ADCYAP1: variants seen among roughly 807,000 people sequenced by gnomAD.
The protein encoded by ADCYAP1 is pituitary adenylate cyclase-activating polypeptide.
In ADCYAP1, 6 loss-of-function variants were observed where a neutral mutation model predicts 18.5. That is an observed-to-expected ratio of 0.32 (90% confidence interval 0.18 to 0.64). The LOEUF (loss-of-function observed/expected upper bound fraction) is 0.64. ADCYAP1 is among the 30% of genes least tolerant of loss of function. The pLI is 0.77. For synonymous variants in ADCYAP1, 136 were observed against 113.9 expected (o/e 1.19, Z -1.24); for missense variants, 314 against 253.6 (o/e 1.24, Z -1.62).
In ADCYAP1 at chr18:908,315, A is replaced by G; in HGVS notation, c.293A>G (p.Gln98Arg). 1 of 1,613,336 alleles carries G rather than the reference A, an allele frequency of 6.2e-7. No homozygotes were observed. The highest frequency in any genetic ancestry group is 8.5e-7 in the Non-Finnish European group (1 of 1,179,760). ...LNEAYRKVLD[Q>R]LSAGKHLQSL... ...GAGGCCTACCGCAAAGTGCTGGACC[A>G]GCTGTCCGCCGGGAAGCACCTGCAG... Residue 98 changes from glutamine to arginine, a missense_variant, in exon 4 of 5, where the codon CAG becomes CGG. Coordinates refer to ENST00000450565, the MANE Select transcript of ADCYAP1 (RefSeq NM_001099733.2).
intron 4 of ADCYAP1, among the ~76,000 whole-genome samples, chr18:908,922 T>C (rs1909279858): frequency 1.3e-5 from 2 of 152,122 alleles, no homozygotes; most frequent in Admixed American, 1.3e-4. Flanking sequence ...GTGAAAAATA[T>C]TGCCTACAGC....
upstream of ADCYAP1, chr18:904,579 GGA>G (rs1909084618): frequency 7.8e-7 from 1 of 1,287,286 alleles, no homozygotes; most frequent in Non-Finnish European, 1.0e-6. Context: ...AGAGGCAGCC[GGA>G]GAGACCTCGG....
intron 4 of ADCYAP1, among the ~76,000 whole-genome samples, chr18:909,233 A>T (rs1909291351): frequency 3.9e-5 from 6 of 152,178 alleles, no homozygotes; most frequent in Admixed American, 2.0e-4. Flanking sequence ...GTTTGGTGCC[A>T]GGAGATCCTG....
At position 907,915 on chromosome 18, in the gene ADCYAP1, C is replaced by A. The variant is rs1478408962; in HGVS notation, c.242+125C>A. The stretch of plus-strand genomic sequence containing the variant: ...TCCCGTGAAAGTCCTCAAGCCTGTC[C>A]TCTCCCTGGCCCGATCCTATTGCAG... On this transcript the variant is annotated intron_variant, in intron 3 of 4. Coordinates refer to ENST00000450565, the MANE Select transcript of ADCYAP1 (RefSeq NM_001099733.2). The A allele has an allele frequency of 9.5e-6, 13 of 1,363,464 alleles. No individual in the cohort carries two copies. In the African/African-American group the frequency reaches 1.4e-4, roughly 15 times the overall value. 84.5% of individuals were successfully genotyped at this position (1,363,464 alleles called of 1,614,324 possible).
At chr18:908,466 C>A in intron 4 of ADCYAP1, 103 bp downstream of exon 4, 1 of 924,694 alleles carries the variant, frequency 1.1e-6, no homozygotes, top group Non-Finnish European at 1.6e-6. Flanking sequence ...CAGGGTGAGT[C>A]TGCGCCCCTG....
In ADCYAP1 at chr18:907,578, G is replaced by T. The variant is rs1054908767; in HGVS notation, c.111-81G>T. 1.1e-5 allele frequency: 16 copies of T among 1,427,482 alleles called. No homozygotes were observed. In the Admixed American group the frequency reaches 2.3e-4, roughly 20 times the overall value. The allele number at this position is 1,427,482 out of a possible 1,614,324, so 88.4% of individuals were successfully genotyped here. On this transcript the variant is annotated intron_variant, in intron 2 of 4. Coordinates refer to ENST00000450565, the MANE Select transcript of ADCYAP1 (RefSeq NM_001099733.2). ...ACTTTTATCACCTGTGAAAATCCGC[G>T]CGAGCCCCTTACTTTGGATCCTCGC...
At chr18:904,525 T>A (rs776838704), upstream of ADCYAP1, 11 of 1,289,066 alleles carry the variant, frequency 8.5e-6, no homozygotes, top group Non-Finnish European at 1.1e-5. Flanking sequence ...AGAAGGCCGG[T>A]CACCTCTGTA....
At chr18:905,906 T>C (rs1909153334) in intron 2 of ADCYAP1, 2 of 221,446 alleles carry the variant, frequency 9.0e-6, no homozygotes, top group Non-Finnish European at 1.8e-5. Flanking sequence ...CCTCGGACTT[T>C]GCTTTGTTAC....
chr18:908,624 C>G (rs1909271901), intron 4 of ADCYAP1, among the ~76,000 whole-genome samples: 1 of 152,164 alleles, frequency 6.6e-6, no homozygotes, highest in Non-Finnish European at 1.5e-5. Flanking sequence ...GAAACCAAAC[C>G]AAACCTCTCA....
chr18:909,399 CTG>C (rs763831977), intron 4 of ADCYAP1, 45 bp from the exon 5 acceptor site: 1 of 1,571,898 alleles, frequency 6.4e-7, no homozygotes, highest in Admixed American at 1.8e-5. Flanking sequence ...GCGATTGAAC[CTG>C]TGTCTCCCGC....
chr18:904,779 C>T (rs1400354830), upstream of ADCYAP1: 7 of 1,275,336 alleles, frequency 5.5e-6, no homozygotes, highest in South Asian at 2.5e-5. Flanking sequence ...CACCTCATCG[C>T]CCCCTCTTTC....
chr18:909,054 GT>G (rs1164081567), intron 4 of ADCYAP1, among the ~76,000 whole-genome samples: 2 of 152,218 alleles, frequency 1.3e-5, no homozygotes, highest in Non-Finnish European at 2.9e-5. Flanking sequence ...ACTGGCATAT[GT>G]AGGGCTCTCC....
upstream of ADCYAP1, chr18:904,800 C>T: frequency 1.6e-6 from 2 of 1,278,716 alleles, no homozygotes; most frequent in South Asian, 1.2e-5. Context: ...TTTCTTCTGC[C>T]TCTCTCTCTG....
rs1311243439 is a variant in ADCYAP1, at chr18:907,768, T to C, written c.220T>C (p.Trp74Arg). ...CTCCGCGCCGCGCGCCGCCGCCGCC[T>C]GGTACCGCCCGGCCGGGAGAAGGTG... The part of the protein sequence containing the change: ...PASAPRAAAA[W>R]YRPAGRRDVA... The change falls in exon 3 of 5, where the codon TGG becomes CGG. Residue 74 changes from tryptophan to arginine, a missense_variant. Coordinates refer to ENST00000450565, the MANE Select transcript of ADCYAP1 (RefSeq NM_001099733.2). 7.1e-5 allele frequency: 105 copies of C among 1,469,638 alleles called. No homozygotes were observed. Among genetic ancestry groups the C allele is most frequent in the Non-Finnish European group, 9.3e-5 (104 of 1,121,960 alleles). 91.0% of individuals were successfully genotyped at this position (1,469,638 alleles called of 1,614,324 possible).
chr18:905,245 G>T, intron 1 of ADCYAP1, 141 bp from the exon 2 acceptor site: 1 of 1,474,922 alleles, frequency 6.8e-7, no homozygotes, highest in Non-Finnish European at 8.9e-7. Flanking sequence ...GGCGCGCACC[G>T]GCTGTCGCCA....
chr18:905,626 C>T, intron 2 of ADCYAP1, 130 bp downstream of exon 2: 3 of 1,112,308 alleles, frequency 2.7e-6, no homozygotes, highest in Non-Finnish European at 3.8e-6. Context: ...CGGTGCGCCT[C>T]CGCCAGCCTC....
At chr18:905,762 A>C (rs1598982665) in intron 2 of ADCYAP1, 16 of 474,358 alleles carry the variant, frequency 3.4e-5, no homozygotes, top group South Asian at 1.0e-4. Flanking sequence ...CCGCTGGAGA[A>C]CCCCCCCTCC....
intron 1 of ADCYAP1, 41 bp from the exon 2 acceptor site, chr18:905,345 G>A (rs761509223): frequency 2.0e-5 from 32 of 1,605,712 alleles, no homozygotes; most frequent in Admixed American, 6.7e-5. Flanking sequence ...GAGGCCAGGG[G>A]CGTTCTCACA....
intron 3 of ADCYAP1, 91 bp from the exon 4 acceptor site, chr18:908,174 C>T: frequency 2.5e-6 from 3 of 1,207,370 alleles, no homozygotes; most frequent in East Asian, 2.6e-5. Context: ...TCCCCGGCCG[C>T]CGAGGGGGCG....
Sources: allele counts gnomAD v4.1 joint callset (sites outside exome capture counted in the v4.1 genomes callset), GRCh38; gene constraint gnomAD v4.1.1; transcripts MANE v1.5; gene names NCBI Gene and HGNC (gene_info 2026-07-23, HGNC 2026-07-21).